SEMA3E: variants seen among roughly 807,000 people sequenced by gnomAD.
SEMA3E encodes semaphorin 3E.
Under a neutral mutation model 93.6 loss-of-function variants are expected in SEMA3E, and 49 were observed. The ratio of observed to expected loss-of-function variants is 0.52; its 90% CI spans 0.42 to 0.66. SEMA3E has a LOEUF of 0.66. SEMA3E is among the 30% of genes least tolerant of loss of function. SEMA3E has a pLI of 0.00. For synonymous variants in SEMA3E, 363 were observed against 330.7 expected (o/e 1.10, Z -1.06); for missense variants, 906 against 964.8 (o/e 0.94, Z 0.81).
chr7:83,376,560 G>A (rs1207296095), intron 16 of SEMA3E, among the ~76,000 whole-genome samples: 1 of 151,896 alleles, frequency 6.6e-6, no homozygotes, highest in Non-Finnish European at 1.5e-5. Context: ...AGCTAACCAT[G>A]GTTATTAGAT....
At chr7:83,635,000 T>C (rs533889354) in intron 1 of SEMA3E, among the ~76,000 whole-genome samples, 2 of 152,212 alleles carry the variant, frequency 1.3e-5, no homozygotes, top group East Asian at 1.9e-4. Flanking sequence ...GAATATACCA[T>C]ATGGTTAGCT....
At chr7:83,532,659 A>G (rs994985054) in intron 1 of SEMA3E, among the ~76,000 whole-genome samples, 1 of 151,424 alleles carries the variant, frequency 6.6e-6, no homozygotes, top group African/African-American at 2.4e-5. Flanking sequence ...TATTCTCTCA[A>G]TACTTCAATT....
At chr7:83,493,019 A>G (rs1310016915) in intron 1 of SEMA3E, among the ~76,000 whole-genome samples, 1 of 151,848 alleles carries the variant, frequency 6.6e-6, no homozygotes, top group Non-Finnish European at 1.5e-5. Context: ...AACTTGAACA[A>G]CCTCTTAACC....
At chr7:83,484,210 A>T (rs903045697) in intron 2 of SEMA3E, among the ~76,000 whole-genome samples, 1 of 152,172 alleles carries the variant, frequency 6.6e-6, no homozygotes, top group Non-Finnish European at 1.5e-5. Context: ...AAATATTTTC[A>T]CTGACCACTC....
chr7:83,526,558 C>T (rs1484956361), intron 1 of SEMA3E, among the ~76,000 whole-genome samples: 1 of 152,038 alleles, frequency 6.6e-6, no homozygotes, highest in Non-Finnish European at 1.5e-5. Context: ...ATTCCTGAAG[C>T]TTTGGAGGAG....
intron 1 of SEMA3E, among the ~76,000 whole-genome samples, chr7:83,621,155 T>C (rs1046927818): frequency 4.6e-5 from 7 of 152,176 alleles, no homozygotes; most frequent in Non-Finnish European, 8.8e-5. Context: ...AGTTTCAGGA[T>C]ACAAAATTAA....
At chr7:83,412,499 A>C (rs1333963242) in intron 5 of SEMA3E, among the ~76,000 whole-genome samples, 1 of 152,080 alleles carries the variant, frequency 6.6e-6, no homozygotes, top group Non-Finnish European at 1.5e-5. Flanking sequence ...TAATCCCAGC[A>C]CTTTGTGCAG....
At chr7:83,387,125 C>A in intron 14 of SEMA3E, 75 bp from the exon 15 acceptor site, 1 of 1,171,480 alleles carries the variant, frequency 8.5e-7, no homozygotes. Flanking sequence ...AATTGCATTT[C>A]ATATACAAGT....
At chr7:83,515,555 C>T (rs1252240281) in intron 1 of SEMA3E, among the ~76,000 whole-genome samples, 1 of 152,054 alleles carries the variant, frequency 6.6e-6, no homozygotes, top group Non-Finnish European at 1.5e-5. Context: ...TCCAAAAGTC[C>T]ACAGATTGCC....
rs1037952893 is a variant in SEMA3E, at chr7:83,366,068, TA to T, written c.*1517del. 1.3e-5 allele frequency: 2 copies of T among 152,154 alleles called. No individual in the cohort carries two copies. The highest frequency in any genetic ancestry group is 4.8e-5 in the African/African-American group (2 of 41,454). The allele number at this position is 152,154 out of a possible 1,614,324, so 9.4% of individuals were successfully genotyped here. ...TATCTGAATAAACTTAAATTTTTCT[TA>T]AAATATTTATGTATTTGTTCATTTT... On this transcript the variant is annotated 3_prime_UTR_variant, in exon 17 of 17. Transcript: ENST00000643230.
chr7:83,504,966 T>C (rs1790667100), intron 1 of SEMA3E, among the ~76,000 whole-genome samples: 1 of 152,122 alleles, frequency 6.6e-6, no homozygotes. Flanking sequence ...TCACTTATCA[T>C]TTGAATATTG....
intron 10 of SEMA3E, among the ~76,000 whole-genome samples, chr7:83,402,417 G>A (rs1187749606): frequency 6.6e-6 from 1 of 151,860 alleles, no homozygotes; most frequent in Non-Finnish European, 1.5e-5. Context: ...TAATACTGCT[G>A]TGTCCATTAT....
intron 1 of SEMA3E, among the ~76,000 whole-genome samples, chr7:83,553,577 G>A (rs1302397172): frequency 6.6e-6 from 1 of 152,080 alleles, no homozygotes; most frequent in African/African-American, 2.4e-5. Flanking sequence ...GCCTCGGTGA[G>A]TAATCAATAC....
chr7:83,469,398 C>CAT, intron 2 of SEMA3E, 96 bp from the exon 3 acceptor site: 2 of 598,306 alleles, frequency 3.3e-6, no homozygotes, highest in Non-Finnish European at 2.9e-6. Context: ...AAAACATTTC[C>CAT]TTTTTTTTTT....
At chr7:83,490,620 G>A (rs910549561) in intron 1 of SEMA3E, among the ~76,000 whole-genome samples, 13 of 151,948 alleles carry the variant, frequency 8.6e-5, no homozygotes, top group African/African-American at 3.1e-4. Flanking sequence ...CCACCAGAGT[G>A]TGTTTATTAA....
chr7:83,431,346 T>A (rs947869724), intron 4 of SEMA3E, among the ~76,000 whole-genome samples: 14 of 151,602 alleles, frequency 9.2e-5, no homozygotes, highest in African/African-American at 3.2e-4. Context: ...AAATTTTTAT[T>A]AGAAAAAAAT....
intron 16 of SEMA3E, chr7:83,371,568 G>A (rs1794749629): frequency 6.6e-6 from 1 of 152,120 alleles, no homozygotes; most frequent in Non-Finnish European, 1.5e-5. Context: ...TGTATGTGTT[G>A]TTTTATTCTT....
chr7:83,611,558 A>G (rs1222832735), intron 1 of SEMA3E, among the ~76,000 whole-genome samples: 1 of 151,196 alleles, frequency 6.6e-6, no homozygotes, highest in Non-Finnish European at 1.5e-5. Flanking sequence ...TCAGGAAATG[A>G]CAGCTTCAAT....
chr7:83,557,675 A>ATTCAAAAAATCATTTC (rs1562831742), intron 1 of SEMA3E, among the ~76,000 whole-genome samples: 17 of 152,168 alleles, frequency 1.1e-4, no homozygotes, highest in African/African-American at 4.1e-4. Flanking sequence ...TAAAGATGCT[A>ATTCAAAAAATCATTTC]ACAATTACAC....
Sources: gnomAD v4.1 joint callset for allele counts (sites outside exome capture counted in the v4.1 genomes callset) on GRCh38, gnomAD v4.1.1 for gene constraint, MANE v1.5 for transcripts, NCBI Gene and HGNC (gene_info 2026-07-23, HGNC 2026-07-21) for gene names.